JAKMIP3: variants seen among roughly 807,000 people sequenced by gnomAD.
JAKMIP3 encodes janus kinase and microtubule-interacting protein 3.
Under a neutral mutation model 118.5 loss-of-function variants are expected in JAKMIP3, and 58 were observed. The ratio of observed to expected loss-of-function variants is 0.49; its 90% confidence interval spans 0.40 to 0.61. The LOEUF (loss-of-function observed/expected upper bound fraction) is 0.61, where lower values mean the gene tolerates loss of function less well. JAKMIP3 is among the 20% of genes least tolerant of loss of function. JAKMIP3 has a pLI of 0.00. For synonymous variants in JAKMIP3, 486 were observed against 451.2 expected (o/e 1.08, Z -0.98); for missense variants, 950 against 1,109.0 (o/e 0.86, Z 2.04).
intron 15 of JAKMIP3, 60 bp downstream of exon 15, chr10:132,149,570 C>CAT: frequency 1.6e-6 from 1 of 607,748 alleles, no homozygotes; most frequent in South Asian, 2.2e-5. Flanking sequence ...GCCCCACCCC[C>CAT]TCTCCGCCCC....
chr10:132,073,844 A>T (rs976630071), intron 1 of JAKMIP3, among the ~76,000 whole-genome samples: 3 of 152,030 alleles, frequency 2.0e-5, no homozygotes, highest in Non-Finnish European at 4.4e-5. Flanking sequence ...ATGGGTGCTG[A>T]TATCTTTCTT....
chr10:132,156,245 G>T (rs988886484), intron 19 of JAKMIP3, among the ~76,000 whole-genome samples: 1 of 152,096 alleles, frequency 6.6e-6, no homozygotes, highest in African/African-American at 2.4e-5. Flanking sequence ...AAGCTTCTTG[G>T]CCTCTGCTCT....
intron 13 of JAKMIP3, among the ~76,000 whole-genome samples, chr10:132,146,704 C>T (rs1342450335): frequency 3.9e-5 from 6 of 152,194 alleles, no homozygotes; most frequent in Non-Finnish European, 4.4e-5. Context: ...AATGCAGACT[C>T]TGCACTGCTG....
At chr10:132,157,044 G>A (rs1294882444) in intron 19 of JAKMIP3, among the ~76,000 whole-genome samples, 1 of 152,130 alleles carries the variant, frequency 6.6e-6, no homozygotes, top group African/African-American at 2.4e-5. Flanking sequence ...TAGTATCTTT[G>A]CAAAAGCGCG....
chr10:132,080,478 T>C (rs1330837019), intron 1 of JAKMIP3, among the ~76,000 whole-genome samples: 1 of 151,404 alleles, frequency 6.6e-6, no homozygotes, highest in Non-Finnish European at 1.5e-5. Context: ...TCAGATTATT[T>C]ATTTTCTTGC....
chr10:132,107,066 T>A (rs1354999337), intron 2 of JAKMIP3, among the ~76,000 whole-genome samples: 2 of 86,282 alleles, frequency 2.3e-5, no homozygotes, highest in Non-Finnish European at 4.7e-5. Context: ...TTTTTTTTTT[T>A]AACTTTTTTG....
At chr10:132,097,640 C>T (rs2044066005) in intron 1 of JAKMIP3, among the ~76,000 whole-genome samples, 1 of 151,870 alleles carries the variant, frequency 6.6e-6, no homozygotes, top group African/African-American at 2.4e-5. Flanking sequence ...TGATACTGTC[C>T]CGCTGTTTTC....
intron 1 of JAKMIP3, among the ~76,000 whole-genome samples, chr10:132,087,324 A>G (rs2042526383): frequency 6.6e-6 from 1 of 151,766 alleles, no homozygotes; most frequent in South Asian, 2.1e-4. Context: ...AGATAACCTG[A>G]TGACAATGTG....
At chr10:132,076,974 A>G (rs6560675) in intron 1 of JAKMIP3, among the ~76,000 whole-genome samples, 113,165 of 150,272 alleles carry the variant, frequency 0.75, 43,511 homozygotes, top group East Asian at 0.99. Flanking sequence ...TGACTGATTG[A>G]GGGCTGGCCT....
chr10:132,174,568 A>G (rs2136966638), intron 23 of JAKMIP3, among the ~76,000 whole-genome samples: 1 of 152,116 alleles, frequency 6.6e-6, no homozygotes, highest in East Asian at 1.9e-4. Context: ...TGTGAACAAA[A>G]CTGCTATAAT....
intron 16 of JAKMIP3, among the ~76,000 whole-genome samples, chr10:132,152,537 C>T (rs956578226): frequency 5.3e-5 from 8 of 152,232 alleles, no homozygotes; most frequent in Non-Finnish European, 1.2e-4. Flanking sequence ...CATGTGGTCT[C>T]TCCTCCACTG....
intron 1 of JAKMIP3, among the ~76,000 whole-genome samples, chr10:132,091,352 T>A (rs1339070614): frequency 1.3e-5 from 2 of 152,214 alleles, no homozygotes; most frequent in Non-Finnish European, 2.9e-5. Flanking sequence ...TTCTGTCTTG[T>A]TGATCTGTTT....
At chr10:132,181,819 C>T (rs1404886814) in intron 23 of JAKMIP3, among the ~76,000 whole-genome samples, 3 of 138,348 alleles carry the variant, frequency 2.2e-5, no homozygotes, top group East Asian at 2.1e-4. Flanking sequence ...CCCTCACTCC[C>T]GCCCCTCTGC....
chr10:132,172,630 C>G (rs1185953843), intron 23 of JAKMIP3, among the ~76,000 whole-genome samples: 1 of 151,942 alleles, frequency 6.6e-6, no homozygotes, highest in East Asian at 1.9e-4. Flanking sequence ...GTCCCTGGGT[C>G]GTGGCCCAGC....
chr10:132,059,881 AG>A (rs375009013), upstream of JAKMIP3, among the ~76,000 whole-genome samples: 94 of 152,146 alleles, frequency 6.2e-4, 1 homozygote, highest in African/African-American at 2.2e-3. Context: ...AGAGGGAGGG[AG>A]GATGGGGAGC....
intron 19 of JAKMIP3, among the ~76,000 whole-genome samples, chr10:132,162,779 T>TATG (rs1301004958): frequency 6.6e-6 from 1 of 152,184 alleles, no homozygotes; most frequent in Non-Finnish European, 1.5e-5. Flanking sequence ...GCTGGGTTAT[T>TATG]ATGTATTTTG....
intron 2 of JAKMIP3, among the ~76,000 whole-genome samples, chr10:132,109,053 T>C (rs1346366405): frequency 1.0e-5 from 1 of 96,984 alleles, no homozygotes; most frequent in African/African-American, 3.2e-5. Flanking sequence ...TACACACACA[T>C]ACATGCACAT....
At chr10:132,164,859 G>A (rs567972026) in intron 21 of JAKMIP3, 124 bp downstream of exon 21, 13 of 689,356 alleles carry the variant, frequency 1.9e-5, no homozygotes, top group South Asian at 7.1e-5. Context: ...CAACAGCAGC[G>A]GGAAGCGGCC....
intron 1 of JAKMIP3, among the ~76,000 whole-genome samples, chr10:132,084,256 C>G (rs2042119724): frequency 6.6e-6 from 1 of 152,078 alleles, no homozygotes; most frequent in Non-Finnish European, 1.5e-5. Flanking sequence ...CTTTCACCTC[C>G]TTGGTTAGGT....
Sources: gnomAD v4.1 joint callset for allele counts (sites outside exome capture counted in the v4.1 genomes callset) on GRCh38, gnomAD v4.1.1 for gene constraint, MANE v1.5 for transcripts, NCBI Gene and HGNC (gene_info 2026-07-23, HGNC 2026-07-21) for gene names.